The following ATG2B variants were observed in gnomAD, a reference collection of about 807,000 sequenced individuals.
ATG2B encodes autophagy related 2B, also known as autophagy-related protein 2 homolog B.
Under a neutral mutation model 241.3 loss-of-function variants are expected in ATG2B, and 121 were observed. The ratio of observed to expected loss-of-function variants is 0.50; its 90% confidence interval spans 0.43 to 0.58. The LOEUF is 0.58. Ranked by LOEUF, ATG2B falls within the 20% of genes least tolerant of loss-of-function variation. The pLI, the probability that ATG2B is intolerant of heterozygous loss-of-function variation, is 0.00. For missense variants in ATG2B, 2,306 were observed against 2,491.6 expected (o/e 0.93, Z 1.59); for synonymous variants, 858 against 876.6 (o/e 0.98, Z 0.37).
Position 96,282,347 on chromosome 14 carries a change from AT to A in ATG2B, c.*3407del, listed in dbSNP as rs1886221212. 1 of 152,220 alleles carries A rather than the reference AT, an allele frequency of 6.6e-6. No individual in the cohort carries two copies. Among genetic ancestry groups the A allele is most frequent in the Non-Finnish European group, 1.5e-5 (1 of 68,034 alleles). The allele number at this position is 152,220 out of a possible 1,614,324, so 9.4% of individuals were successfully genotyped here. A position where few individuals can be genotyped will look rare whatever the true frequency, so the allele number is the denominator to read the frequency against. On this transcript the variant is annotated 3_prime_UTR_variant, in exon 42 of 42. Transcript: ENST00000359933. ...CCTTTCAAGGAACTTAAAGAACTTG[AT>A]GGAGAAAAGAACTTGACGGACATTC...
At position 96,315,365 on chromosome 14, in the gene ATG2B, A is replaced by G. The variant is rs1887279212; in HGVS notation, c.3561+19T>C. ...GCTAGAATCAAATCAACAGTGGCATAAAAGTACAAAACACAAACCTTTGTA... is the reference window on the plus strand; with the variant it reads ...GCTAGAATCAAATCAACAGTGGCATGAAAGTACAAAACACAAACCTTTGTA... On this transcript the variant is annotated intron_variant, in intron 22 of 41. Transcript: ENST00000359933. The G allele has an allele frequency of 3.1e-6, 5 of 1,610,020 alleles. No individual in the cohort carries two copies. The highest frequency in any genetic ancestry group is 2.2e-5 in the East Asian group (1 of 44,856).
In ATG2B at chr14:96,280,333, G is replaced by A. The variant is rs1886164628; in HGVS notation, c.*5422C>T. 6.6e-6 allele frequency: 1 copy of A among 152,226 alleles called. No individual in the cohort carries two copies. Among genetic ancestry groups the A allele is most frequent in the Non-Finnish European group, 1.5e-5 (1 of 68,052 alleles). The allele number at this position is 152,226 out of a possible 1,614,324, so 9.4% of individuals were successfully genotyped here. On this transcript the variant is annotated 3_prime_UTR_variant, in exon 42 of 42. Coordinates refer to ENST00000359933, the MANE Select transcript of ATG2B (RefSeq NM_018036.7). ...AGTCAAACCATGTGACGGTGAGCAA[G>A]TTTCTTGACCTCTCTGAACCTGTCT... is the stretch of plus-strand genomic sequence containing the variant.
At chr14:96,292,484 A>C (rs187263586) in intron 36 of ATG2B, among the ~76,000 whole-genome samples, 222 of 152,324 alleles carry the variant, frequency 1.5e-3, no homozygotes, top group Non-Finnish European at 2.5e-3. Context: ...ATAAATTAAT[A>C]AAAGCAACCT....
intron 4 of ATG2B, 52 bp from the exon 5 acceptor site, chr14:96,343,333 C>T (rs781014027): frequency 8.5e-5 from 119 of 1,393,280 alleles, no homozygotes; most frequent in Admixed American, 2.8e-4. Flanking sequence ...GTGCAGCGCA[C>T]CAGCATGGCA....
chr14:96,344,783 T>C (rs1369394774), intron 3 of ATG2B, 27 bp from the exon 4 acceptor site: 2 of 1,105,394 alleles, frequency 1.8e-6, no homozygotes, highest in African/African-American at 3.2e-5. Context: ...ATTGTCAACG[T>C]AAGAGACCAC....
chr14:96,349,203 A>G (rs141267317), intron 1 of ATG2B, among the ~76,000 whole-genome samples: 41 of 152,374 alleles, frequency 2.7e-4, no homozygotes, highest in African/African-American at 8.9e-4. Flanking sequence ...CAAAGAAAGC[A>G]GAAGTCAAAG....
intron 6 of ATG2B, among the ~76,000 whole-genome samples, chr14:96,340,691 C>T (rs879686863): frequency 6.6e-6 from 1 of 152,018 alleles, no homozygotes; most frequent in Non-Finnish European, 1.5e-5. Flanking sequence ...GCAAGAAGGA[C>T]TGCTTCAGCC....
At chr14:96,301,632 G>A (rs898295928) in intron 34 of ATG2B, among the ~76,000 whole-genome samples, 6 of 152,178 alleles carry the variant, frequency 3.9e-5, no homozygotes, top group African/African-American at 1.4e-4. Context: ...GCCCAGCACA[G>A]AAAGAATTCT....
In ATG2B at chr14:96,280,510, C is replaced by A. The variant is rs551775809; in HGVS notation, c.*5245G>T. 6.6e-6 allele frequency: 1 copy of A among 152,190 alleles called. No individual in the cohort carries two copies. Among genetic ancestry groups the A allele is most frequent in the Admixed American group, 6.5e-5 (1 of 15,300 alleles). The allele number at this position is 152,190 out of a possible 1,614,324, so 9.4% of individuals were successfully genotyped here. On this transcript the variant is annotated 3_prime_UTR_variant, in exon 42 of 42. Coordinates refer to ENST00000359933, the MANE Select transcript of ATG2B (RefSeq NM_018036.7). ...GAGCCATGGGTGAAGTGTGACTTGT[C>A]ATTTTTTCCCTAATTGTTCAAAGTG...
chr14:96,293,910 G>A (rs1219296441), intron 36 of ATG2B, among the ~76,000 whole-genome samples: 1 of 151,640 alleles, frequency 6.6e-6, no homozygotes, highest in Admixed American at 6.6e-5. Context: ...AACCAAATTG[G>A]CAGTTTATAA....
At chr14:96,340,146 TGAA>T in intron 6 of ATG2B, among the ~76,000 whole-genome samples, 2 of 73,912 alleles carry the variant, frequency 2.7e-5, no homozygotes, top group Admixed American at 1.6e-4. Context: ...ATGATATATA[TGAA>T]TATATATATC....
At chr14:96,286,910 C>A (rs970557349) in intron 41 of ATG2B, among the ~76,000 whole-genome samples, 1 of 152,076 alleles carries the variant, frequency 6.6e-6, no homozygotes, top group Non-Finnish European at 1.5e-5. Flanking sequence ...ACAAGAGCGT[C>A]CTATCTACCC....
chr14:96,331,538 G>C lies in ATG2B; in HGVS notation c.1568C>G (p.Pro523Arg). The C allele has an allele frequency of 6.2e-7, 1 of 1,614,070 alleles. No individual in the cohort carries two copies. Among genetic ancestry groups the C allele is most frequent in the Non-Finnish European group, 8.5e-7 (1 of 1,179,978 alleles). The change falls in exon 11 of 42, where the codon CCT (proline) becomes CGT (arginine). Residue 523 changes from proline (P) to arginine (R), a missense_variant. This residue lies in a region of ATG2B where 1,927 missense variants were observed against 2,011.2 expected (regional missense o/e 0.96). Transcript: ENST00000359933. The stretch of plus-strand genomic sequence containing the variant: ...CTGTGACGTTTCAGGTGGAGATAAA[G>C]GATCAATGTGAAGCACAGAGATTGA... ...TFSISVLHIDPLSPPETSQNL... is the reference protein window; with the variant it reads ...TFSISVLHIDRLSPPETSQNL...
chr14:96,356,774 A>G (rs1888486556), intron 1 of ATG2B, among the ~76,000 whole-genome samples: 1 of 152,194 alleles, frequency 6.6e-6, no homozygotes, highest in Non-Finnish European at 1.5e-5. Context: ...GTACAAAAAA[A>G]AAATATAAAG....
chr14:96,345,263 G>C lies in ATG2B; in HGVS notation c.448C>G (p.Leu150Val). The change falls in exon 3 of 42, where the codon CTT (leucine) becomes GTT (valine). Residue 150 changes from leucine to valine, a missense_variant. By Grantham distance (32) the Leu-to-Val change is conservative (BLOSUM62 1). This residue lies in a region of ATG2B where 1,927 missense variants were observed against 2,011.2 expected (regional missense o/e 0.96). Transcript: ENST00000359933. ...QGEGSQPFEG[L>V]EKFAETIETV... ...TCAATGGTTTCAGCAAACTTTTCAA[G>C]TCCTTCAAAAGGCTGGGATCCTTCT... The C allele has an allele frequency of 6.2e-7, 1 of 1,611,750 alleles. No homozygotes were observed. The highest frequency in any genetic ancestry group is 8.5e-7 in the Non-Finnish European group (1 of 1,179,210).
intron 6 of ATG2B, 31 bp from the exon 7 acceptor site, chr14:96,334,532 G>C: frequency 7.5e-7 from 1 of 1,329,208 alleles, no homozygotes; most frequent in South Asian, 1.3e-5. Context: ...TATTCATGAG[G>C]AGTATTCTTT....
chr14:96,322,460 TTAAAAA>T, intron 17 of ATG2B, 74 bp downstream of exon 17: 2 of 1,446,004 alleles, frequency 1.4e-6, no homozygotes, highest in Non-Finnish European at 1.8e-6. Context: ...AGGCATTTTT[TTAAAAA>T]TAAAAAATCA....
chr14:96,334,004 G>T, intron 7 of ATG2B, 131 bp from the exon 8 acceptor site: 1 of 740,106 alleles, frequency 1.4e-6, no homozygotes, highest in Non-Finnish European at 2.3e-6. Context: ...GCTATTTAGT[G>T]AGTCAGAGCT....
chr14:96,311,876 T>C lies in ATG2B; in HGVS notation c.3913+213A>G, dbSNP rs72704887. On this transcript the variant is annotated intron_variant, in intron 26 of 41. Coordinates refer to ENST00000359933, the MANE Select transcript of ATG2B (RefSeq NM_018036.7). Reference sequence around the variant, plus strand: ...GTACTTAACTAGCATTATAAGAACATTACAATTTCAAACTGAAAAACCAGT... The same window carrying C: ...GTACTTAACTAGCATTATAAGAACACTACAATTTCAAACTGAAAAACCAGT... 0.21 allele frequency among the ~76,000 whole-genome samples: 32,297 copies of C among 152,146 alleles called. 4,351 individuals are homozygous for C. Among genetic ancestry groups the C allele is most frequent in the Non-Finnish European group, 0.29 (19,406 of 67,966 alleles).
Sources: allele counts gnomAD v4.1 joint callset (sites outside exome capture counted in the v4.1 genomes callset), GRCh38; gene constraint gnomAD v4.1.1; regional missense constraint gnomAD v4.1.1; transcripts MANE v1.5; gene names NCBI Gene and HGNC (gene_info 2026-07-23, HGNC 2026-07-21).